Variants in HCRTR2 observed in about 807,000 individuals in gnomAD.
The protein encoded by HCRTR2 is hypocretin receptor 2, also known as orexin receptor type 2.
HCRTR2 carries 22 observed loss-of-function variants against 49.0 expected under a neutral mutation model. The observed-to-expected ratio is 0.45, with a 90% CI of 0.32 to 0.64. The LOEUF (loss-of-function observed/expected upper bound fraction) is 0.64. Among genes scored for constraint, HCRTR2 ranks in the 30% least tolerant of loss-of-function variants. The probability of loss-of-function intolerance (pLI) is 0.04; values close to 1 mark genes in which losing one functional copy is unlikely to be tolerated. For missense variants in HCRTR2, 491 were observed against 559.4 expected (o/e 0.88, Z 1.23); for synonymous variants, 236 against 205.3 (o/e 1.15, Z -1.28).
chr6:55,176,847 A>T (rs912199240), intron 1 of HCRTR2, among the ~76,000 whole-genome samples: 2 of 152,172 alleles, frequency 1.3e-5, no homozygotes, highest in Admixed American at 1.3e-4. Context: ...ACAATGAGGG[A>T]TTAATGGCAC....
chr6:55,117,561 C>A (rs1009766760), intron 1 of HCRTR2, among the ~76,000 whole-genome samples: 41 of 151,464 alleles, frequency 2.7e-4, no homozygotes, highest in Admixed American at 7.3e-4. Flanking sequence ...TTCTAGGAAC[C>A]TGTAAAATCT....
intron 1 of HCRTR2, among the ~76,000 whole-genome samples, chr6:55,246,416 G>T (rs1196358090): frequency 6.6e-6 from 1 of 151,840 alleles, no homozygotes; most frequent in African/African-American, 2.4e-5. Flanking sequence ...TGAACTCAAG[G>T]GCTCCAGCAG....
chr6:55,166,345 C>T (rs888751137), intron 1 of HCRTR2, among the ~76,000 whole-genome samples: 2 of 150,176 alleles, frequency 1.3e-5, no homozygotes, highest in South Asian at 2.1e-4. Flanking sequence ...TCTTGTTGAG[C>T]GTGTCAGGAA....
At chr6:55,176,575 T>G (rs1007906964) in intron 1 of HCRTR2, among the ~76,000 whole-genome samples, 1 of 152,186 alleles carries the variant, frequency 6.6e-6, no homozygotes, top group Non-Finnish European at 1.5e-5. Context: ...GAGCCCTTCA[T>G]GTACATTCTC....
chr6:55,153,058 T>C (rs991147832), intron 1 of HCRTR2, among the ~76,000 whole-genome samples: 2 of 152,018 alleles, frequency 1.3e-5, no homozygotes, highest in African/African-American at 4.8e-5. Flanking sequence ...TGTGAGTTGA[T>C]ATTTATGTGT....
chr6:55,187,295 C>A (rs1454448797), intron 1 of HCRTR2, among the ~76,000 whole-genome samples: 1 of 151,658 alleles, frequency 6.6e-6, no homozygotes, highest in Non-Finnish European at 1.5e-5. Flanking sequence ...CGCCTGTAGT[C>A]CCAGCTACTT....
intron 1 of HCRTR2, among the ~76,000 whole-genome samples, chr6:55,214,036 G>T (rs986670799): frequency 6.6e-6 from 1 of 151,756 alleles, no homozygotes; most frequent in Non-Finnish European, 1.5e-5. Flanking sequence ...ATGGAACCTA[G>T]CATATTCTAG....
In HCRTR2 at chr6:55,189,647, A is replaced by G. The variant is rs541946382; in HGVS notation, c.223+14837A>G. Among the ~76,000 whole-genome samples the G allele has an allele frequency of 2.0e-4, 30 of 152,272 alleles. No individual in the cohort carries two copies. In the South Asian group the frequency reaches 6.0e-3, roughly 31 times the overall value. ...CACACTGGGGCCTGTTGTCGGGACT[A>G]TGGGAGGGAGACCATCAGGATAAAT... On this transcript the variant is annotated intron_variant, in intron 1 of 6. Coordinates refer to ENST00000370862, the MANE Select transcript of HCRTR2 (RefSeq NM_001384272.1).
At chr6:55,219,604 G>T (rs1282848348) in intron 1 of HCRTR2, among the ~76,000 whole-genome samples, 2 of 151,712 alleles carry the variant, frequency 1.3e-5, no homozygotes, top group East Asian at 3.9e-4. Flanking sequence ...CATTATAAAA[G>T]AAAAAAGATT....
intron 1 of HCRTR2, among the ~76,000 whole-genome samples, chr6:55,134,703 C>T (rs1764409768): frequency 1.3e-5 from 2 of 151,858 alleles, no homozygotes; most frequent in Admixed American, 1.3e-4. Flanking sequence ...CTTTTTAAGA[C>T]TCCACATACA....
chr6:55,118,938 T>TC (rs1267476815), intron 1 of HCRTR2, among the ~76,000 whole-genome samples: 2 of 151,742 alleles, frequency 1.3e-5, no homozygotes, highest in African/African-American at 4.8e-5. Context: ...TCCTCCCCTA[T>TC]CCCCCAACCC....
At chr6:55,190,735 G>A (rs772546720) in intron 1 of HCRTR2, among the ~76,000 whole-genome samples, 60 of 152,158 alleles carry the variant, frequency 3.9e-4, no homozygotes, top group Non-Finnish European at 6.8e-4. Flanking sequence ...ATCTTAAAAA[G>A]GATTACTTTG....
At position 55,218,026 on chromosome 6, in the gene HCRTR2, T is replaced by C. The variant is rs3122157; in HGVS notation, c.224-30613T>C. On this transcript the variant is annotated intron_variant, in intron 1 of 6. Coordinates refer to ENST00000370862, the MANE Select transcript of HCRTR2 (RefSeq NM_001384272.1). ...GTCAAGGGTACGTATCTGGTGAGAA[T>C]CTTCTCATTGTATCATAACATGGCA... Among the ~76,000 whole-genome samples the C allele has an allele frequency of 4.9e-3, 752 of 152,316 alleles. 11 individuals carry two copies. The highest frequency in any genetic ancestry group is 0.016 in the African/African-American group (648 of 41,574).
At position 55,248,810 on chromosome 6, in the gene HCRTR2, A is replaced by T; in HGVS notation, c.395A>T (p.Tyr132Phe). ...FGQSLCKVIP[Y>F]LQTVSVSVSV... is the part of the protein sequence containing the mutation. Reference sequence around the variant, plus strand: ...CAGTCCCTTTGCAAAGTGATTCCTTATCTACAGGTAATTGTTTTTAATGCT... The same window carrying T: ...CAGTCCCTTTGCAAAGTGATTCCTTTTCTACAGGTAATTGTTTTTAATGCT... The change falls in exon 2 of 7, where the codon TAT becomes TTT. Residue 132 changes from tyrosine (Y) to phenylalanine (F), a missense_variant. Physicochemically the swap from Tyr to Phe is conservative, Grantham distance 22. Transcript: ENST00000370862. 6.2e-7 allele frequency: 1 copy of T among 1,612,648 alleles called. No homozygotes were observed. Among genetic ancestry groups the T allele is most frequent in the Non-Finnish European group, 8.5e-7 (1 of 1,178,830 alleles).
intron 3 of HCRTR2, among the ~76,000 whole-genome samples, chr6:55,256,969 C>T (rs1766664682): frequency 6.6e-6 from 1 of 151,932 alleles, no homozygotes; most frequent in East Asian, 1.9e-4. Flanking sequence ...TCAGTTCTGG[C>T]CATTTGAACA....
Position 55,131,923 on chromosome 6 carries a change from G to C in HCRTR2, c.-378+25378G>C, listed in dbSNP as rs141152076. ...AAATGAAGCAACTATGAAACCATGT[G>C]GCAAGCTTTATAATCAATTTAAAGG... On this transcript the variant is annotated intron_variant, in intron 1 of 7. Transcript: ENST00000615358. Among the ~76,000 whole-genome samples the C allele has an allele frequency of 3.3e-3, 501 of 151,772 alleles. 3 individuals are homozygous for C. Among genetic ancestry groups the C allele is most frequent in the African/African-American group, 0.011 (470 of 41,498 alleles).
At chr6:55,122,856 C>G (rs1236154572) in intron 1 of HCRTR2, among the ~76,000 whole-genome samples, 1 of 151,034 alleles carries the variant, frequency 6.6e-6, no homozygotes, top group Non-Finnish European at 1.5e-5. Flanking sequence ...TCTCAGCAAA[C>G]TATCGCAAGG....
chr6:55,125,054 G>A (rs1764254212), intron 1 of HCRTR2, among the ~76,000 whole-genome samples: 1 of 151,586 alleles, frequency 6.6e-6, no homozygotes, highest in Admixed American at 6.6e-5. Flanking sequence ...GATGGGTCTT[G>A]ACTCTTTATC....
At chr6:55,251,235 G>A (rs1043502036) in intron 2 of HCRTR2, among the ~76,000 whole-genome samples, 4 of 151,996 alleles carry the variant, frequency 2.6e-5, no homozygotes, top group Admixed American at 2.6e-4. Context: ...TTACTTGGAC[G>A]TTTATTAATT....
Sources: gnomAD v4.1 joint callset for allele counts (sites outside exome capture counted in the v4.1 genomes callset) on GRCh38, gnomAD v4.1.1 for gene constraint, MANE v1.5 for transcripts, NCBI Gene and HGNC (gene_info 2026-07-23, HGNC 2026-07-21) for gene names.